B3GALT1: variants seen among roughly 807,000 people sequenced by gnomAD.
B3GALT1 encodes UDP-Gal:betaGlcNAc beta 1,3-galactosyltransferase, polypeptide 1.
Under a neutral mutation model 23.2 loss-of-function variants are expected in B3GALT1, and 10 were observed. That is an observed-to-expected ratio of 0.43 (90% CI 0.27 to 0.73). The LOEUF is 0.73. Ranked by LOEUF, B3GALT1 falls within the 30% of genes least tolerant of loss-of-function variation. B3GALT1 has a pLI of 0.21. For missense variants in B3GALT1, 299 were observed against 405.4 expected (o/e 0.74, Z 2.25); for synonymous variants, 156 against 141.5 (o/e 1.10, Z -0.73).
intron 2 of B3GALT1, among the ~76,000 whole-genome samples, chr2:167,502,241 CAG>C (rs1277577200): frequency 6.6e-6 from 1 of 152,120 alleles, no homozygotes; most frequent in Non-Finnish European, 1.5e-5. Flanking sequence ...GCAAATATAA[CAG>C]AATGCCTTTT....
chr2:167,485,461 C>T lies in B3GALT1; in HGVS notation c.-510-4716C>T, dbSNP rs183986215. On this transcript the variant is annotated intron_variant, in intron 1 of 4. Transcript: ENST00000392690. ...AGATGTTCAGTCAATATTTATGGAA[C>T]GTGTCCTAGTCATTCTCACTTCATC... 9.6e-4 allele frequency among the ~76,000 whole-genome samples: 146 copies of T among 152,234 alleles called. No individual in the cohort carries two copies. The South Asian group carries it at 9.7e-3, about 10-fold the overall frequency.
chr2:167,836,832 G>A (rs1242388183), intron 4 of B3GALT1, among the ~76,000 whole-genome samples: 2 of 152,148 alleles, frequency 1.3e-5, no homozygotes, highest in Non-Finnish European at 1.5e-5. Flanking sequence ...GGATCTCTCG[G>A]GAGAAACTCT....
chr2:167,520,044 C>CA (rs71031294), intron 2 of B3GALT1, among the ~76,000 whole-genome samples: 55,266 of 142,522 alleles, frequency 0.39, 11,161 homozygotes, highest in East Asian at 0.81. Context: ...GACTCTATCT[C>CA]AAAAAAAAAA....
chr2:167,590,657 G>A (rs2105415453), intron 2 of B3GALT1, among the ~76,000 whole-genome samples: 1 of 152,246 alleles, frequency 6.6e-6, no homozygotes, highest in South Asian at 2.1e-4. Context: ...TGACTTAGTG[G>A]CCAAAACTGA....
intron 2 of B3GALT1, among the ~76,000 whole-genome samples, chr2:167,498,034 C>T (rs772737810): frequency 1.4e-4 from 21 of 152,124 alleles, no homozygotes; most frequent in Admixed American, 2.6e-4. Context: ...AGGCTTCATA[C>T]TTAAGGTGTA....
intron 1 of B3GALT1, among the ~76,000 whole-genome samples, chr2:167,415,753 G>A (rs1698459424): frequency 6.6e-6 from 1 of 152,174 alleles, no homozygotes; most frequent in East Asian, 1.9e-4. Flanking sequence ...GAGGAACAAG[G>A]TATTGGAAAC....
chr2:167,668,067 A>G (rs1460906054), intron 3 of B3GALT1, among the ~76,000 whole-genome samples: 1 of 151,836 alleles, frequency 6.6e-6, no homozygotes, highest in Non-Finnish European at 1.5e-5. Flanking sequence ...TTTTTTCCCC[A>G]TCTTTGTGGT....
chr2:167,751,129 T>C (rs748442797), intron 3 of B3GALT1, among the ~76,000 whole-genome samples: 1 of 152,204 alleles, frequency 6.6e-6, no homozygotes, highest in African/African-American at 2.4e-5. Context: ...AGATTTGGCT[T>C]GTGCATCATG....
chr2:167,581,134 TG>T, intron 2 of B3GALT1, among the ~76,000 whole-genome samples: 1 of 152,208 alleles, frequency 6.6e-6, no homozygotes, highest in Non-Finnish European at 1.5e-5. Context: ...AAAGGTTTTC[TG>T]TTCCTACAGA....
intron 4 of B3GALT1, among the ~76,000 whole-genome samples, chr2:167,843,522 C>T (rs919275691): frequency 3.9e-5 from 6 of 152,186 alleles, no homozygotes; most frequent in Non-Finnish European, 8.8e-5. Context: ...TTAATAACTG[C>T]CGCTATGGTG....
rs1427130962 is a variant in B3GALT1, at chr2:167,858,293, C to A, written c.-229-10518C>A. Among the ~76,000 whole-genome samples the A allele has an allele frequency of 2.0e-5, 3 of 146,488 alleles. No homozygotes were observed. In the South Asian group the frequency reaches 6.4e-4, roughly 31 times the overall value. ...TAAAATTGAAAGCTTCTTATGAAAA[C>A]GGTCAACTGGAGGTGCCAAGTTTTT... is the stretch of plus-strand genomic sequence containing the variant. On this transcript the variant is annotated intron_variant, in intron 4 of 4. Transcript: ENST00000392690.
intron 1 of B3GALT1, among the ~76,000 whole-genome samples, chr2:167,414,680 A>G (rs953141009): frequency 2.6e-5 from 4 of 152,208 alleles, no homozygotes; most frequent in Admixed American, 2.6e-4. Context: ...ATGCATACTC[A>G]ATCTTATGAA....
chr2:167,458,951 G>C (rs1699214732), intron 1 of B3GALT1, among the ~76,000 whole-genome samples: 1 of 152,144 alleles, frequency 6.6e-6, no homozygotes, highest in Non-Finnish European at 1.5e-5. Context: ...CTTTTGGTTA[G>C]TATTTGCCTG....
chr2:167,419,607 T>G (rs1411186748), intron 1 of B3GALT1, among the ~76,000 whole-genome samples: 1 of 152,212 alleles, frequency 6.6e-6, no homozygotes, highest in Non-Finnish European at 1.5e-5. Context: ...TCAGGGAAAG[T>G]AAGGACAGAA....
intron 1 of B3GALT1, among the ~76,000 whole-genome samples, chr2:167,373,702 G>C (rs778908224): frequency 6.6e-5 from 10 of 152,160 alleles, no homozygotes; most frequent in Non-Finnish European, 1.0e-4. Context: ...TGAGATTACA[G>C]GCATGTGCCA....
At position 167,579,522 on chromosome 2, in the gene B3GALT1, G is replaced by A. The variant is rs564739722; in HGVS notation, c.-409-67387G>A. Among the ~76,000 whole-genome samples the A allele has an allele frequency of 3.1e-4, 44 of 143,742 alleles. No homozygotes were observed. The South Asian group carries it at 0.01, about 33-fold the overall frequency. The allele number at this position is 143,742 out of a possible 152,430, so 94.3% of individuals were successfully genotyped here. ...AAAAATCTCTAGATTTCTAGCCTGA[G>A]CATTCTGGACATAGGTATGTTTTCA... On this transcript the variant is annotated intron_variant, in intron 2 of 4. Transcript: ENST00000392690.
At chr2:167,512,580 G>GTGTA (rs1454968741) in intron 2 of B3GALT1, among the ~76,000 whole-genome samples, 2 of 47,044 alleles carry the variant, frequency 4.3e-5, no homozygotes, top group African/African-American at 1.7e-4. Flanking sequence ...ATATATATAT[G>GTGTA]TATATATATA....
chr2:167,702,160 G>A lies in B3GALT1; in HGVS notation c.-352+55194G>A, dbSNP rs551994122. On this transcript the variant is annotated intron_variant, in intron 3 of 4. Coordinates refer to ENST00000392690, the MANE Select transcript of B3GALT1 (RefSeq NM_020981.4). ...AAGTCCTCCCTTCATGGCTTCCTGA[G>A]GAACTCTTATCCCACTCAGTATCCC... 5.3e-5 allele frequency among the ~76,000 whole-genome samples: 8 copies of A among 152,218 alleles called. No homozygotes were observed. The South Asian group carries it at 1.5e-3, about 28-fold the overall frequency.
rs141042161 is a variant in B3GALT1 at position 167,641,837 on chromosome 2, G to A, written c.-409-5072G>A. Among the ~76,000 whole-genome samples, 38 of 152,238 alleles carry A rather than the reference G, an allele frequency of 2.5e-4. No homozygotes were observed. In the East Asian group the frequency reaches 7.4e-3, roughly 30 times the overall value. On this transcript the variant is annotated intron_variant, in intron 2 of 4. Coordinates refer to ENST00000392690, the MANE Select transcript of B3GALT1 (RefSeq NM_020981.4). ...TTCTCCATAGTAATCATAGATTTAA[G>A]TGCCATCTGTGCTCTTATGACTATT... is the stretch of plus-strand genomic sequence containing the variant.
Sources: allele counts gnomAD v4.1 joint callset (sites outside exome capture counted in the v4.1 genomes callset), GRCh38; gene constraint gnomAD v4.1.1; transcripts MANE v1.5; gene names NCBI Gene and HGNC (gene_info 2026-07-23, HGNC 2026-07-21).